The following CBFA2T3 variants were observed in gnomAD, a reference collection of about 807,000 sequenced individuals.
CBFA2T3 encodes transcriptional corepressor CBFA2T3.
In CBFA2T3, 31 loss-of-function variants were observed where a neutral mutation model predicts 58.6. The observed-to-expected ratio is 0.53, with a 90% confidence interval of 0.40 to 0.71. CBFA2T3 has a LOEUF of 0.71. Among genes scored for constraint, CBFA2T3 ranks in the 30% least tolerant of loss-of-function variants. The pLI is 0.00. For missense variants in CBFA2T3, 1,076 were observed against 963.1 expected, an observed-to-expected ratio of 1.12 and a Z score of -1.55; for synonymous variants, 531 against 421.9, an observed-to-expected ratio of 1.26 and a Z score of -3.17.
At chr16:88,959,559 G>T (rs1972310432) in intron 1 of CBFA2T3, among the ~76,000 whole-genome samples, 1 of 152,188 alleles carries the variant, frequency 6.6e-6, no homozygotes, top group African/African-American at 2.4e-5. Flanking sequence ...GCGCAGTAGA[G>T]AATGTTCTAG....
At chr16:88,881,639 C>T in intron 8 of CBFA2T3, 150 bp from the exon 9 acceptor site, 2 of 734,968 alleles carry the variant, frequency 2.7e-6, no homozygotes, top group Non-Finnish European at 4.3e-6. Context: ...GGGCCCACCT[C>T]CATGGCTTGC....
At chr16:88,911,375 A>T (rs1970525411) in intron 1 of CBFA2T3, among the ~76,000 whole-genome samples, 1 of 152,196 alleles carries the variant, frequency 6.6e-6, no homozygotes. Flanking sequence ...CCAAATGTGT[A>T]TGAGTCTCTG....
intron 1 of CBFA2T3, among the ~76,000 whole-genome samples, chr16:88,943,619 G>C (rs1971820225): frequency 6.6e-6 from 1 of 152,236 alleles, no homozygotes; most frequent in African/African-American, 2.4e-5. Context: ...AGGGTGGTCA[G>C]ATGGTCCTGG....
chr16:88,952,751 G>T (rs1229432482), intron 1 of CBFA2T3, among the ~76,000 whole-genome samples: 1 of 152,132 alleles, frequency 6.6e-6, no homozygotes. Context: ...TGGGAGAGAC[G>T]CCTCCCATAC....
chr16:88,919,825 CCG>C (rs1201052681), intron 1 of CBFA2T3, among the ~76,000 whole-genome samples: 27 of 152,198 alleles, frequency 1.8e-4, no homozygotes, highest in Non-Finnish European at 7.3e-5. Flanking sequence ...GGTCTGGAGG[CCG>C]CATCAGACCC....
chr16:88,961,513 C>A (rs1972355898), intron 1 of CBFA2T3, among the ~76,000 whole-genome samples: 1 of 147,926 alleles, frequency 6.8e-6, no homozygotes, highest in Middle Eastern at 3.7e-3. Context: ...CAGCGCTGGA[C>A]ATTCCCACTC....
At chr16:88,878,043 G>A (rs1427836962) in intron 11 of CBFA2T3, among the ~76,000 whole-genome samples, 1 of 152,206 alleles carries the variant, frequency 6.6e-6, no homozygotes, top group Non-Finnish European at 1.5e-5. Flanking sequence ...GGCACTGCCA[G>A]GCACAGTCCC....
At chr16:88,913,076 G>A (rs1346314576) in intron 1 of CBFA2T3, among the ~76,000 whole-genome samples, 2 of 152,188 alleles carry the variant, frequency 1.3e-5, no homozygotes, top group African/African-American at 2.4e-5. Context: ...GTGCAGAGGC[G>A]GGGTCCACTT....
intron 1 of CBFA2T3, among the ~76,000 whole-genome samples, chr16:88,954,834 T>C (rs76337484): frequency 0.017 from 118 of 7,010 alleles, no homozygotes; most frequent in Non-Finnish European, 0.021. Flanking sequence ...GCTCCTGACC[T>C]CAGCCAAGGC....
chr16:88,884,110 C>T (rs12148989), intron 7 of CBFA2T3: 2,169 of 152,384 alleles, frequency 0.014, 21 homozygotes, highest in East Asian at 0.026. Context: ...CGACAGCTGG[C>T]GTTTATTTCT....
chr16:88,947,209 C>T (rs1256146047), intron 1 of CBFA2T3, among the ~76,000 whole-genome samples: 2 of 152,264 alleles, frequency 1.3e-5, no homozygotes, highest in Admixed American at 6.5e-5. Context: ...AATGAGAACT[C>T]GGCGCTTTCC....
In CBFA2T3 at chr16:88,876,291, G is replaced by GA. The variant is rs984691524; in HGVS notation, c.*684dup. 6.0e-4 allele frequency: 136 copies of GA among 225,622 alleles called. No individual in the cohort carries two copies. The highest frequency in any genetic ancestry group is 1.3e-3 in the Middle Eastern group (1 of 766). The allele number at this position is 225,622 out of a possible 1,614,324, so 14.0% of individuals were successfully genotyped here. On this transcript the variant is annotated 3_prime_UTR_variant, in exon 12 of 12. Transcript: ENST00000268679. ...AAAGCCAAAGAGTTTAACATTACAG[G>GA]AAAAAAAAATCTGAAACCAAAAATG...
intron 1 of CBFA2T3, among the ~76,000 whole-genome samples, chr16:88,920,536 C>T (rs1278084629): frequency 6.6e-6 from 1 of 151,970 alleles, no homozygotes; most frequent in African/African-American, 2.4e-5. Context: ...CCGCCCACCT[C>T]GGCTTCTCAA....
rs753406165 is a variant in CBFA2T3, at chr16:88,881,444, G to A, written c.1249C>T (p.Leu417Phe). 1 of 1,609,800 alleles carries A rather than the reference G, an allele frequency of 6.2e-7. No homozygotes were observed. Residue 417 changes from leucine (L) to phenylalanine (F), a missense_variant, in exon 9 of 12, where the codon CTC (leucine) becomes TTC (phenylalanine). Transcript: ENST00000268679. ...TCCTGGCACCTGCGCAGCACCGTGAGCGAGCGCCGCGTCTTCTCCACCATG... is the reference window on the plus strand; with the variant it reads ...TCCTGGCACCTGCGCAGCACCGTGAACGAGCGCCGCGTCTTCTCCACCATG... ...MDMVEKTRRS[L>F]TVLRRCQEAD...
intron 1 of CBFA2T3, among the ~76,000 whole-genome samples, chr16:88,921,329 G>C (rs944700970): frequency 6.6e-6 from 1 of 152,208 alleles, no homozygotes; most frequent in Non-Finnish European, 1.5e-5. Context: ...GCAGCAGAAA[G>C]GATGGGCGGG....
intron 1 of CBFA2T3, among the ~76,000 whole-genome samples, chr16:88,917,765 A>G (rs1478227906): frequency 1.3e-5 from 2 of 152,232 alleles, no homozygotes; most frequent in African/African-American, 2.4e-5. Flanking sequence ...CAGCAGTGTC[A>G]TAAGTGTGAC....
At chr16:88,963,919 G>T (rs948619161) in intron 1 of CBFA2T3, among the ~76,000 whole-genome samples, 2 of 152,194 alleles carry the variant, frequency 1.3e-5, no homozygotes, top group Non-Finnish European at 1.5e-5. Context: ...CTGTCTCTTC[G>T]TGGTGACTTA....
chr16:88,898,598 C>G (rs1459952286), intron 2 of CBFA2T3, among the ~76,000 whole-genome samples: 3 of 152,218 alleles, frequency 2.0e-5, no homozygotes, highest in Non-Finnish European at 2.9e-5. Flanking sequence ...CCAGAAGGCC[C>G]CTGTGACCCC....
At chr16:88,891,343 T>C (rs1358134080) in intron 5 of CBFA2T3, among the ~76,000 whole-genome samples, 1 of 152,158 alleles carries the variant, frequency 6.6e-6, no homozygotes, top group African/African-American at 2.4e-5. Flanking sequence ...GCCCTCATCC[T>C]CAGCCCTCAC....
Sources: gnomAD v4.1 joint callset for allele counts (sites outside exome capture counted in the v4.1 genomes callset) on GRCh38, gnomAD v4.1.1 for gene constraint, MANE v1.5 for transcripts, NCBI Gene and HGNC (gene_info 2026-07-23, HGNC 2026-07-21) for gene names.